The following CUX2 variants were observed in gnomAD, a reference collection of about 807,000 sequenced individuals.
CUX2 encodes the protein homeobox protein cut-like 2.
CUX2 carries 40 observed loss-of-function variants against 144.8 expected under a neutral mutation model. The ratio of observed to expected loss-of-function variants is 0.28; its 90% CI spans 0.21 to 0.36. The LOEUF (loss-of-function observed/expected upper bound fraction) is 0.36, where lower values mean the gene tolerates loss of function less well. Among genes scored for constraint, CUX2 ranks in the 10% least tolerant of loss-of-function variants. The probability of loss-of-function intolerance (pLI) is 1.00; values close to 1 mark genes in which losing one functional copy is unlikely to be tolerated. For synonymous variants in CUX2, 827 were observed against 875.6 expected, an observed-to-expected ratio of 0.94 and a Z score of 0.98; for missense variants, 1,615 against 1,994.0, an observed-to-expected ratio of 0.81 and a Z score of 3.62.
intron 1 of CUX2, among the ~76,000 whole-genome samples, chr12:111,100,552 A>G (rs1211146511): frequency 4.6e-5 from 7 of 152,020 alleles, no homozygotes. Flanking sequence ...GGGTGCAGAC[A>G]CCCATGTGTG....
At chr12:111,093,537 C>T (rs184856196) in intron 1 of CUX2, among the ~76,000 whole-genome samples, 4 of 152,158 alleles carry the variant, frequency 2.6e-5, no homozygotes, top group South Asian at 4.1e-4. Context: ...TAACCCAACG[C>T]CTGAGTCACT....
chr12:111,288,094 T>A (rs1885488511), intron 4 of CUX2, among the ~76,000 whole-genome samples: 1 of 152,114 alleles, frequency 6.6e-6, no homozygotes, highest in Non-Finnish European at 1.5e-5. Flanking sequence ...GAGGACAGGT[T>A]AGTCGAGGAG....
chr12:111,287,777 A>C lies in CUX2; in HGVS notation c.302-3641A>C, dbSNP rs1885467217. 6.6e-6 allele frequency among the ~76,000 whole-genome samples: 1 copy of C among 152,202 alleles called. No homozygotes were observed. Among genetic ancestry groups the C allele is most frequent in the Admixed American group, 6.5e-5 (1 of 15,274 alleles). ...TTGTCCAAGCCCCTGCCACCTAAAC[A>C]AACAGGCCACAGCAGAGTAAAACAG... is the stretch of plus-strand genomic sequence containing the variant. On this transcript the variant is annotated intron_variant, in intron 4 of 21. Coordinates refer to ENST00000261726, the MANE Select transcript of CUX2 (RefSeq NM_015267.4). This position sits in a 1 kb window ranked among gnomAD's most constrained non-coding sequence, Gnocchi z 4.2.
intron 1 of CUX2, among the ~76,000 whole-genome samples, chr12:111,049,366 A>T (rs1038293148): frequency 3.9e-5 from 6 of 152,212 alleles, no homozygotes; most frequent in African/African-American, 1.4e-4. Flanking sequence ...TCCTCCATGC[A>T]TGCATCCATC....
intron 1 of CUX2, among the ~76,000 whole-genome samples, chr12:111,141,214 AG>A (rs1228829349): frequency 1.3e-5 from 2 of 149,794 alleles, no homozygotes; most frequent in Non-Finnish European, 2.9e-5. Flanking sequence ...TTAGGGACTC[AG>A]GGGCTTAGGT....
chr12:111,079,813 G>A (rs538562165), intron 1 of CUX2, among the ~76,000 whole-genome samples: 1 of 152,328 alleles, frequency 6.6e-6, no homozygotes, highest in African/African-American at 2.4e-5. Flanking sequence ...TGTTCCAAGT[G>A]TGGGTTTGGG....
chr12:111,298,699 A>C, intron 9 of CUX2, 110 bp downstream of exon 9: 2 of 1,164,722 alleles, frequency 1.7e-6, no homozygotes, highest in Non-Finnish European at 2.5e-6. Flanking sequence ...TATTTATTCA[A>C]CTGTGGGTCT....
intron 15 of CUX2, among the ~76,000 whole-genome samples, chr12:111,311,058 A>G (rs1241519114): frequency 1.3e-5 from 2 of 152,206 alleles, no homozygotes; most frequent in Non-Finnish European, 2.9e-5. Flanking sequence ...ATCAGTATGA[A>G]GGGTCCCAGC....
chr12:111,122,031 G>A (rs1874727449), intron 1 of CUX2, among the ~76,000 whole-genome samples: 1 of 152,118 alleles, frequency 6.6e-6, no homozygotes, highest in Non-Finnish European at 1.5e-5. Context: ...TCCCCTGCTG[G>A]AAGTTTCTGG....
chr12:111,201,113 C>G (rs1415380946), intron 1 of CUX2, among the ~76,000 whole-genome samples: 1 of 152,152 alleles, frequency 6.6e-6, no homozygotes, highest in Non-Finnish European at 1.5e-5. Context: ...CCCTCTCAAT[C>G]TCACCTTCAG....
chr12:111,182,004 G>A (rs957738012), intron 1 of CUX2, among the ~76,000 whole-genome samples: 1 of 152,120 alleles, frequency 6.6e-6, no homozygotes, highest in African/African-American at 2.4e-5. Context: ...ATCTCCGACG[G>A]GTGCACCTAA....
intron 4 of CUX2, among the ~76,000 whole-genome samples, chr12:111,273,887 A>G (rs1249459797): frequency 6.6e-6 from 1 of 152,170 alleles, no homozygotes; most frequent in Non-Finnish European, 1.5e-5. Flanking sequence ...GAGAACACTA[A>G]ACATGGTGCC....
At chr12:111,276,734 A>C (rs930634027) in intron 4 of CUX2, among the ~76,000 whole-genome samples, 46 of 151,396 alleles carry the variant, frequency 3.0e-4, no homozygotes, top group Non-Finnish European at 5.7e-4. Flanking sequence ...GCTCACTGCA[A>C]CCTCCTGGGT....
In CUX2 at chr12:111,039,495, G is replaced by T. The variant is rs1869633956; in HGVS notation, c.63+5255G>T. 6.6e-6 allele frequency among the ~76,000 whole-genome samples: 1 copy of T among 152,120 alleles called. No individual in the cohort carries two copies. Among genetic ancestry groups the T allele is most frequent in the African/African-American group, 2.4e-5 (1 of 41,420 alleles). Reference sequence around the variant, plus strand: ...GCCCAACTTTGCTGTACGAGTTATTGTAAAGGTGAAGGATGCTGACACCTT... The same window carrying T: ...GCCCAACTTTGCTGTACGAGTTATTTTAAAGGTGAAGGATGCTGACACCTT... On this transcript the variant is annotated intron_variant, in intron 1 of 21. Coordinates refer to ENST00000261726, the MANE Select transcript of CUX2 (RefSeq NM_015267.4). This position sits in a 1 kb window ranked among gnomAD's most constrained non-coding sequence, Gnocchi z 4.2.
intron 16 of CUX2, among the ~76,000 whole-genome samples, chr12:111,318,535 C>T (rs1025635819): frequency 6.7e-6 from 1 of 149,016 alleles, no homozygotes; most frequent in East Asian, 2.0e-4. Flanking sequence ...GAGCTATGAT[C>T]GCACCTGAGA....
intron 1 of CUX2, among the ~76,000 whole-genome samples, chr12:111,163,898 T>A (rs1356711863): frequency 6.6e-6 from 1 of 152,122 alleles, no homozygotes; most frequent in African/African-American, 2.4e-5. Flanking sequence ...CCACACCTAC[T>A]TTTCCTCTAG....
intron 1 of CUX2, among the ~76,000 whole-genome samples, chr12:111,056,803 G>A (rs949203851): frequency 2.6e-5 from 4 of 152,334 alleles, no homozygotes; most frequent in African/African-American, 7.2e-5. Context: ...GCTACAGTGA[G>A]GGCGATGGTG....
intron 4 of CUX2, among the ~76,000 whole-genome samples, chr12:111,285,973 G>A (rs937283985): frequency 3.6e-4 from 55 of 152,310 alleles, no homozygotes; most frequent in African/African-American, 1.2e-3. Flanking sequence ...TGTGTCCTGG[G>A]GTGGAAGGGA....
At chr12:111,252,936 G>A (rs573557151) in intron 3 of CUX2, among the ~76,000 whole-genome samples, 1 of 151,978 alleles carries the variant, frequency 6.6e-6, no homozygotes, top group South Asian at 2.1e-4. Context: ...AGTTGTTAAA[G>A]CCCCAAGCTG....
Sources: allele counts gnomAD v4.1 joint callset (sites outside exome capture counted in the v4.1 genomes callset), GRCh38; gene constraint gnomAD v4.1.1; non-coding constraint Gnocchi (gnomAD v3.1); transcripts MANE v1.5; gene names NCBI Gene and HGNC (gene_info 2026-07-23, HGNC 2026-07-21).